The following RNF19A variants were observed in gnomAD, a reference collection of about 807,000 sequenced individuals.
The protein encoded by RNF19A is E3 ubiquitin-protein ligase RNF19A.
Under a neutral mutation model 75.7 loss-of-function variants are expected in RNF19A, and 32 were observed. That is an observed-to-expected ratio of 0.42 (90% CI 0.32 to 0.57). The LOEUF (loss-of-function observed/expected upper bound fraction) is 0.57. Ranked by LOEUF, RNF19A falls within the 20% of genes least tolerant of loss-of-function variation. The pLI is 0.10. For missense variants in RNF19A, 782 were observed against 1,036.3 expected, an observed-to-expected ratio of 0.75 and a Z score of 3.37; for synonymous variants, 335 against 345.2, an observed-to-expected ratio of 0.97 and a Z score of 0.33.
chr8:100,309,608 C>A, intron 1 of RNF19A: 1 of 959,160 alleles, frequency 1.0e-6, no homozygotes, highest in Non-Finnish European at 1.2e-6. Context: ...CCTCGGCCCC[C>A]GCGGCCCGGG....
chr8:100,314,955 T>C lies in RNF19A; in HGVS notation c.-242-1583A>G, dbSNP rs979485472. On this transcript the variant is annotated intron_variant, in intron 1 of 3. Transcript: ENST00000519527. The surrounding 1 kb of genome is among the most constrained non-coding windows in gnomAD (Gnocchi z 4.1). The stretch of plus-strand genomic sequence containing the variant: ...CCCTAGGTGCTGCGAGACACCAATA[T>C]GGTAAAGTATCGTCCCTCCCCTTGA... Among the ~76,000 whole-genome samples the C allele has an allele frequency of 2.0e-5, 3 of 152,050 alleles. No individual in the cohort carries two copies. The highest frequency in any genetic ancestry group is 4.8e-5 in the African/African-American group (2 of 41,402).
intron 1 of RNF19A, among the ~76,000 whole-genome samples, chr8:100,316,918 C>G (rs924914263): frequency 6.6e-6 from 1 of 152,222 alleles, no homozygotes; most frequent in African/African-American, 2.4e-5. Context: ...AGCCCTGCCC[C>G]GCGGGAAGGC....
intron 3 of RNF19A, among the ~76,000 whole-genome samples, chr8:100,270,772 C>A (rs1374721766): frequency 1.3e-5 from 2 of 152,092 alleles, no homozygotes; most frequent in African/African-American, 4.8e-5. Flanking sequence ...TTGTGTTTAT[C>A]CTTTTTATTC....
intron 3 of RNF19A, among the ~76,000 whole-genome samples, chr8:100,273,773 TTTA>T (rs1820369728): frequency 1.3e-5 from 2 of 152,178 alleles, no homozygotes; most frequent in African/African-American, 4.8e-5. Flanking sequence ...GTATCTTTAT[TTTA>T]TTATTATCAT....
intron 2 of RNF19A, among the ~76,000 whole-genome samples, chr8:100,282,217 G>A (rs887225988): frequency 2.6e-5 from 4 of 152,094 alleles, no homozygotes; most frequent in African/African-American, 9.7e-5. Flanking sequence ...GGGTGAAGGG[G>A]AAGAATGTTA....
Position 100,288,199 on chromosome 8 carries a change from T to G in RNF19A, c.-25A>C, listed in dbSNP as rs1198499245. ...TTCACATTAAGTCATGATGTAAGAATATCCTACTTGGTTCCTTCAGAGAAT... is the reference window on the plus strand; with the variant it reads ...TTCACATTAAGTCATGATGTAAGAAGATCCTACTTGGTTCCTTCAGAGAAT... On this transcript the variant is annotated 5_prime_UTR_variant, in exon 2 of 10. Coordinates refer to ENST00000341084, the MANE Select transcript of RNF19A (RefSeq NM_183419.4). 3 of 1,559,246 alleles carry G rather than the reference T, an allele frequency of 1.9e-6. No homozygotes were observed. In the South Asian group the frequency reaches 3.6e-5, roughly 19 times the overall value.
intron 1 of RNF19A, among the ~76,000 whole-genome samples, chr8:100,302,076 G>C (rs1821860968): frequency 6.6e-6 from 1 of 152,216 alleles, no homozygotes; most frequent in Non-Finnish European, 1.5e-5. Flanking sequence ...AGATACATGA[G>C]AATGCCAGGT....
At chr8:100,314,332 A>G (rs960766645), upstream of RNF19A, among the ~76,000 whole-genome samples, 1 of 152,174 alleles carries the variant, frequency 6.6e-6, no homozygotes, top group African/African-American at 2.4e-5. The surrounding 1 kb of genome is among the most constrained non-coding windows in gnomAD (Gnocchi z 4.1). Flanking sequence ...GTATTAAGCC[A>G]CTTAGTTTAT....
intron 1 of RNF19A, 37 bp from the exon 2 acceptor site, chr8:100,288,304 A>C: frequency 8.4e-7 from 1 of 1,187,176 alleles, no homozygotes; most frequent in Non-Finnish European, 1.1e-6. Context: ...AGATCATTTA[A>C]TTGTATTCTT....
intron 1 of RNF19A, among the ~76,000 whole-genome samples, chr8:100,297,688 G>A (rs1821633256): frequency 1.3e-5 from 2 of 152,186 alleles, no homozygotes; most frequent in Non-Finnish European, 2.9e-5. Context: ...AAAGAATCTG[G>A]ATACCTGAGT....
intron 1 of RNF19A, among the ~76,000 whole-genome samples, chr8:100,326,727 C>A (rs142622708): frequency 4.5e-4 from 69 of 152,310 alleles, no homozygotes; most frequent in African/African-American, 1.6e-3. Context: ...AGACCTTACT[C>A]CTTATGGGCC....
At chr8:100,315,137 G>A (rs781342641) in intron 1 of RNF19A, among the ~76,000 whole-genome samples, 4 of 152,048 alleles carry the variant, frequency 2.6e-5, no homozygotes, top group African/African-American at 7.2e-5. Flanking sequence ...GAGTTTTGTC[G>A]TGTGCCCAGG....
chr8:100,308,213 C>A (rs756859095), intron 1 of RNF19A, among the ~76,000 whole-genome samples: 1 of 151,950 alleles, frequency 6.6e-6, no homozygotes, highest in Non-Finnish European at 1.5e-5. Context: ...AGACACCTTG[C>A]GATGACATTA....
intron 1 of RNF19A, among the ~76,000 whole-genome samples, chr8:100,320,488 T>C (rs921041236): frequency 3.3e-5 from 5 of 152,206 alleles, no homozygotes; most frequent in African/African-American, 1.2e-4. Flanking sequence ...AAAAATGCTA[T>C]AACCAACCTC....
At chr8:100,327,849 C>G (rs1822555786) in intron 1 of RNF19A, among the ~76,000 whole-genome samples, 1 of 152,194 alleles carries the variant, frequency 6.6e-6, no homozygotes, top group Non-Finnish European at 1.5e-5. Flanking sequence ...CATTTCTTCT[C>G]CAGGGACTCA....
At chr8:100,279,120 TGAG>T (rs1653735466) in intron 2 of RNF19A, among the ~76,000 whole-genome samples, 1 of 152,176 alleles carries the variant, frequency 6.6e-6, no homozygotes. Flanking sequence ...ACAAGATTTT[TGAG>T]ATTTATCCAA....
chr8:100,270,743 C>T (rs976173280), intron 3 of RNF19A, among the ~76,000 whole-genome samples: 2 of 152,082 alleles, frequency 1.3e-5, no homozygotes, highest in East Asian at 1.9e-4. Flanking sequence ...GTTAGTTATG[C>T]TCATGACTTT....
In RNF19A at chr8:100,325,962, T is replaced by C. The variant is rs1200115979; in HGVS notation, c.-243+10146A>G. On this transcript the variant is annotated intron_variant, in intron 1 of 3. Transcript: ENST00000519527. The surrounding 1 kb of genome is among the most constrained non-coding windows in gnomAD (Gnocchi z 4.3). ...GAACACTCACAGAATTCAGGGTATATATTTGAGTTGGACACTTATCCTATT... is the reference window on the plus strand; with the variant it reads ...GAACACTCACAGAATTCAGGGTATACATTTGAGTTGGACACTTATCCTATT... Among the ~76,000 whole-genome samples the C allele has an allele frequency of 6.6e-6, 1 of 152,238 alleles. No individual in the cohort carries two copies. The highest frequency in any genetic ancestry group is 1.5e-5 in the Non-Finnish European group (1 of 68,038).
chr8:100,335,847 T>C (rs559758002), intron 1 of RNF19A, among the ~76,000 whole-genome samples: 4 of 152,312 alleles, frequency 2.6e-5, no homozygotes, highest in South Asian at 2.1e-4. Flanking sequence ...AGTGCTCTGG[T>C]CTAAGTGGGC....
Sources: gnomAD v4.1 joint callset for allele counts (sites outside exome capture counted in the v4.1 genomes callset) on GRCh38, gnomAD v4.1.1 for gene constraint, Gnocchi (gnomAD v3.1) non-coding constraint, MANE v1.5 for transcripts, NCBI Gene and HGNC (gene_info 2026-07-23, HGNC 2026-07-21) for gene names.